FRK: variants seen among roughly 807,000 people sequenced by gnomAD.
FRK encodes the protein tyrosine-protein kinase FRK.
FRK carries 51 observed loss-of-function variants against 56.4 expected under a neutral mutation model. The observed-to-expected ratio is 0.90, with a 90% CI of 0.72 to 1.14. FRK has a LOEUF of 1.14. Among genes scored for constraint, FRK ranks in the 50% most tolerant of loss-of-function variants. The pLI, the probability that FRK is intolerant of heterozygous loss-of-function variation, is 0.00. For synonymous variants in FRK, 245 were observed against 217.9 expected (o/e 1.12, Z -1.10); for missense variants, 570 against 601.4 (o/e 0.95, Z 0.55).
chr6:115,991,988 A>C (rs1235857382), intron 2 of FRK, among the ~76,000 whole-genome samples: 1 of 151,442 alleles, frequency 6.6e-6, no homozygotes, highest in Admixed American at 6.6e-5. Context: ...TTTATTTCCC[A>C]AAAATTTTAT....
At chr6:116,083,203 C>T in the FRK span, among the ~76,000 whole-genome samples, 7 of 152,226 alleles carry the variant, frequency 4.6e-5, no homozygotes, top group East Asian at 5.8e-4. Context: ...AAATAAATAA[C>T]GTCAGTGACT....
chr6:116,026,893 C>CA (rs923822352), intron 1 of FRK, among the ~76,000 whole-genome samples: 2 of 151,966 alleles, frequency 1.3e-5, no homozygotes, highest in Non-Finnish European at 2.9e-5. Flanking sequence ...AAAGATGTGT[C>CA]AAAATTGGGC....
intron 1 of FRK, among the ~76,000 whole-genome samples, chr6:116,040,228 A>G (rs1397216437): frequency 6.6e-6 from 1 of 152,170 alleles, no homozygotes; most frequent in African/African-American, 2.4e-5. Context: ...TCATATGTAA[A>G]TGACTTTATG....
At position 115,973,099 on chromosome 6, in the gene FRK, T is replaced by A. The variant is rs573659064; in HGVS notation, c.467-4360A>T. Among the ~76,000 whole-genome samples the A allele has an allele frequency of 3.9e-5, 6 of 152,308 alleles. No homozygotes were observed. The South Asian group carries it at 1.2e-3, about 32-fold the overall frequency. On this transcript the variant is annotated intron_variant, in intron 2 of 7. Transcript: ENST00000606080. ...CCATTTAGTTCCTTCAAGAGCAATATCATTTTCTTAAACTTTTTTGTGTAT... is the reference window on the plus strand; with the variant it reads ...CCATTTAGTTCCTTCAAGAGCAATAACATTTTCTTAAACTTTTTTGTGTAT...
the FRK span, among the ~76,000 whole-genome samples, chr6:116,070,631 C>T: frequency 1.3e-5 from 2 of 152,194 alleles, no homozygotes; most frequent in East Asian, 1.9e-4. Context: ...GTCATATATC[C>T]AATCAGTATT....
the FRK span, among the ~76,000 whole-genome samples, chr6:116,079,422 CT>C: frequency 6.8e-6 from 1 of 147,404 alleles, no homozygotes; most frequent in Non-Finnish European, 1.5e-5. Context: ...TTTCAGAGTT[CT>C]TTCTGGATAA....
intron 2 of FRK, among the ~76,000 whole-genome samples, chr6:115,970,562 G>A (rs944476170): frequency 1.3e-5 from 2 of 152,142 alleles, no homozygotes; most frequent in Non-Finnish European, 2.9e-5. Flanking sequence ...ACATAACAAA[G>A]TGAATGAATC....
chr6:115,965,915 G>T (rs1313826107), intron 4 of FRK, among the ~76,000 whole-genome samples: 2 of 85,704 alleles, frequency 2.3e-5, no homozygotes, highest in Admixed American at 1.3e-4. Context: ...TCGGGGGAGG[G>T]GGGAGGGATA....
intron 1 of FRK, among the ~76,000 whole-genome samples, chr6:116,007,951 GGAT>G (rs1397307112): frequency 6.6e-6 from 1 of 151,500 alleles, no homozygotes; most frequent in Non-Finnish European, 1.5e-5. Context: ...AAAAATGAAG[GGAT>G]GATGGTGCAA....
chr6:115,998,823 T>C (rs1774939887), intron 2 of FRK, among the ~76,000 whole-genome samples: 1 of 152,234 alleles, frequency 6.6e-6, no homozygotes, highest in African/African-American at 2.4e-5. Flanking sequence ...ACCTTGAATA[T>C]TATTGATGAG....
intron 5 of FRK, among the ~76,000 whole-genome samples, chr6:115,945,671 C>G (rs1351384155): frequency 1.3e-5 from 2 of 152,000 alleles, no homozygotes; most frequent in Non-Finnish European, 2.9e-5. Flanking sequence ...AAAAACTAGC[C>G]CACTAACACA....
Position 115,939,934 on chromosome 6 carries a change from C to T in FRK, c.*2480G>A, listed in dbSNP as rs1355350867. ...GCAATTTATATATTCAGTGCTATCC[C>T]CATCAAACTACCATTGACTTTCTTC... On this transcript the variant is annotated 3_prime_UTR_variant, in exon 8 of 8. Coordinates refer to ENST00000606080, the MANE Select transcript of FRK (RefSeq NM_002031.3). The T allele has an allele frequency of 1.3e-5, 2 of 152,118 alleles. No individual in the cohort carries two copies. Among genetic ancestry groups the T allele is most frequent in the Non-Finnish European group, 2.9e-5 (2 of 68,028 alleles). The allele number at this position is 152,118 out of a possible 1,614,324, so 9.4% of individuals were successfully genotyped here.
intron 3 of FRK, 27 bp from the exon 4 acceptor site, chr6:115,967,746 T>C: frequency 7.2e-7 from 1 of 1,397,868 alleles, no homozygotes; most frequent in Non-Finnish European, 9.4e-7. Context: ...TAAGAGCAAT[T>C]GTTAAAAAAA....
Position 116,060,122 on chromosome 6 carries a change from G to A in FRK, c.190C>T (p.Arg64Ter), listed in dbSNP as rs765276161. Residue 64 changes from arginine to a stop codon, truncating the protein, a stop_gained, in exon 1 of 8, where the codon CGA becomes TGA. Transcript: ENST00000606080. LOFTEE classifies it high-confidence loss of function. ...AGAACTTGAAGTTTGTCACCTGCTC[G>A]GAAGCTCAAGTCCTCAGCAGTCCGA... is the stretch of plus-strand genomic sequence containing the variant. ...QARTAEDLSFRAGDKLQVLDT... is the reference protein window; with the variant it reads ...QARTAEDLSF 20 of 1,613,974 alleles carry A rather than the reference G, an allele frequency of 1.2e-5. No homozygotes were observed. Among genetic ancestry groups the A allele is most frequent in the East Asian group, 8.9e-5 (4 of 44,888 alleles).
chr6:115,944,775 G>A (rs1772357538), intron 5 of FRK, among the ~76,000 whole-genome samples: 1 of 151,874 alleles, frequency 6.6e-6, no homozygotes, highest in South Asian at 2.1e-4. Flanking sequence ...TTGTTATATA[G>A]GTAAACTTGT....
Position 115,985,132 on chromosome 6 carries a change from TCCTCACTGTAAAG to T in FRK, c.467-16406_467-16394del, listed in dbSNP as rs1305528855. Among the ~76,000 whole-genome samples, 19 of 152,128 alleles carry T rather than the reference TCCTCACTGTAAAG, an allele frequency of 1.2e-4. 1 individual carries two copies. Among genetic ancestry groups the T allele is most frequent in the Admixed American group, 1.2e-3 (19 of 15,258 alleles). On this transcript the variant is annotated intron_variant, in intron 2 of 7. Transcript: ENST00000606080. The stretch of plus-strand genomic sequence containing the variant: ...AATTCATCTTCTCTAAGCCTCAGTT[TCCTCACTGTAAAG>T]CCAAAAAGAACACTCCCTGCAGGAT...
the FRK span, among the ~76,000 whole-genome samples, chr6:116,066,171 C>T: frequency 6.6e-6 from 1 of 152,126 alleles, no homozygotes; most frequent in Non-Finnish European, 1.5e-5. Context: ...CAGACCCACC[C>T]TTAATCTGTT....
chr6:116,038,086 A>G (rs915545636), intron 1 of FRK, among the ~76,000 whole-genome samples: 1 of 152,310 alleles, frequency 6.6e-6, no homozygotes, highest in African/African-American at 2.4e-5. Context: ...AGACAGCACC[A>G]ATCAGCATGA....
intron 2 of FRK, among the ~76,000 whole-genome samples, chr6:115,976,495 G>A (rs895521958): frequency 6.6e-6 from 1 of 152,164 alleles, no homozygotes; most frequent in Non-Finnish European, 1.5e-5. Context: ...ATAACAATTA[G>A]TTTGGTGTTT....
Sources: gnomAD v4.1 joint callset for allele counts (sites outside exome capture counted in the v4.1 genomes callset) on GRCh38, gnomAD v4.1.1 for gene constraint, MANE v1.5 for transcripts, NCBI Gene and HGNC (gene_info 2026-07-23, HGNC 2026-07-21) for gene names.